Variants in ANGPT2 observed in about 807,000 individuals in gnomAD.
The protein encoded by ANGPT2 is angiopoietin 2.
In ANGPT2, 28 loss-of-function variants were observed where a neutral mutation model predicts 62.9. The observed-to-expected ratio is 0.44, with a 90% CI of 0.33 to 0.61. ANGPT2 has a LOEUF of 0.61. Ranked by LOEUF, ANGPT2 falls within the 20% of genes least tolerant of loss-of-function variation. ANGPT2 has a pLI of 0.03. For missense variants in ANGPT2, 727 were observed against 594.9 expected, an observed-to-expected ratio of 1.22 and a Z score of -2.31; for synonymous variants, 284 against 207.8, an observed-to-expected ratio of 1.37 and a Z score of -3.15.
intron 1 of ANGPT2, among the ~76,000 whole-genome samples, chr8:6,549,761 C>T (rs1194162136): frequency 1.3e-5 from 2 of 151,868 alleles, no homozygotes. Flanking sequence ...ACGTGCAGGG[C>T]AGCAAGTCCT....
At chr8:6,560,312 G>C (rs1291559994) in intron 1 of ANGPT2, among the ~76,000 whole-genome samples, 2 of 152,134 alleles carry the variant, frequency 1.3e-5, no homozygotes, top group Admixed American at 1.3e-4. Flanking sequence ...AAATCAGTGG[G>C]TGTTAGGTTG....
At chr8:6,558,952 T>G (rs1825081171) in intron 1 of ANGPT2, among the ~76,000 whole-genome samples, 1 of 152,118 alleles carries the variant, frequency 6.6e-6, no homozygotes, top group South Asian at 2.1e-4. Flanking sequence ...AAATTAAATA[T>G]GTTGCAGTTC....
chr8:6,534,011 A>C (rs1820030076), intron 1 of ANGPT2, among the ~76,000 whole-genome samples: 1 of 152,108 alleles, frequency 6.6e-6, no homozygotes, highest in South Asian at 2.1e-4. Flanking sequence ...CCCCCTCGCC[A>C]TCGACTCTGC....
rs373427487 is a variant in ANGPT2, at chr8:6,519,853, G to A, written c.927+11C>T. 2.2e-5 allele frequency: 36 copies of A among 1,613,116 alleles called. No individual in the cohort carries two copies. Among genetic ancestry groups the A allele is most frequent in the East Asian group, 6.7e-5 (3 of 44,860 alleles). On this transcript the variant is annotated intron_variant, in intron 5 of 8. Coordinates refer to ENST00000629816, the MANE Select transcript of ANGPT2 (RefSeq NM_001118887.2). ...AGCCAGGGAGTTAGTAAGGGGAGAC[G>A]AATACCTCACCTTGATCTCTTCTGT...
intron 3 of ANGPT2, among the ~76,000 whole-genome samples, chr8:6,521,670 T>C (rs906190352): frequency 6.6e-6 from 1 of 152,208 alleles, no homozygotes; most frequent in African/African-American, 2.4e-5. Context: ...GTACCCCATC[T>C]GGTCCAGGAT....
intron 3 of ANGPT2, among the ~76,000 whole-genome samples, chr8:6,521,866 T>C (rs950384325): frequency 5.9e-5 from 9 of 152,294 alleles, no homozygotes; most frequent in African/African-American, 1.9e-4. Context: ...CTAATGATAA[T>C]AATAGCACTT....
chr8:6,514,834 T>C (rs1049815878), intron 5 of ANGPT2, 56 bp from the exon 6 acceptor site: 12 of 1,443,928 alleles, frequency 8.3e-6, no homozygotes, highest in Non-Finnish European at 8.7e-6. Flanking sequence ...CCCCCTTACG[T>C]AGCAGAAGCA....
At chr8:6,556,378 T>C (rs1469828999) in intron 1 of ANGPT2, among the ~76,000 whole-genome samples, 1 of 152,190 alleles carries the variant, frequency 6.6e-6, no homozygotes, top group East Asian at 1.9e-4. Context: ...ATAGCAACCA[T>C]TGAGAAATAG....
chr8:6,508,360 A>G (rs1372835563), intron 8 of ANGPT2: 1 of 153,782 alleles, frequency 6.5e-6, no homozygotes, highest in Admixed American at 6.5e-5. Flanking sequence ...AGGCAGGAGA[A>G]TCGCTTGAGC....
At chr8:6,510,204 G>T (rs971372358) in intron 7 of ANGPT2, among the ~76,000 whole-genome samples, 3 of 149,582 alleles carry the variant, frequency 2.0e-5, no homozygotes, top group African/African-American at 2.5e-5. Flanking sequence ...AGTTTCTGCT[G>T]CAAAGAAGCT....
chr8:6,539,698 C>T (rs4263789), intron 1 of ANGPT2, among the ~76,000 whole-genome samples: 86,172 of 152,028 alleles, frequency 0.57, 26,131 homozygotes, highest in Non-Finnish European at 0.68. Flanking sequence ...ACGATTCTCC[C>T]GCCTCAGCTT....
At chr8:6,545,470 T>G (rs543605251) in intron 1 of ANGPT2, among the ~76,000 whole-genome samples, 1 of 152,376 alleles carries the variant, frequency 6.6e-6, no homozygotes, top group African/African-American at 2.4e-5. Flanking sequence ...AGTTTTCATC[T>G]AGGAGCACCT....
chr8:6,539,610 G>A (rs1821160022), intron 1 of ANGPT2, among the ~76,000 whole-genome samples: 1 of 151,770 alleles, frequency 6.6e-6, no homozygotes, highest in Non-Finnish European at 1.5e-5. Flanking sequence ...TTTTTGAGAT[G>A]GAGTCTCGCT....
chr8:6,513,009 C>G (rs1161640531), intron 7 of ANGPT2, among the ~76,000 whole-genome samples: 2 of 152,196 alleles, frequency 1.3e-5, no homozygotes, highest in African/African-American at 2.4e-5. Flanking sequence ...AATAAAACAG[C>G]ACAGTCACAA....
At chr8:6,509,083 A>G in intron 7 of ANGPT2, 21 bp from the exon 8 acceptor site, 1 of 1,610,808 alleles carries the variant, frequency 6.2e-7, no homozygotes, top group Non-Finnish European at 8.5e-7. Flanking sequence ...GCAAAGAAAA[A>G]AAACACATTG....
intron 8 of ANGPT2, 65 bp from the exon 9 acceptor site, chr8:6,503,326 C>T: frequency 6.4e-7 from 1 of 1,567,426 alleles, no homozygotes; most frequent in Admixed American, 1.7e-5. Context: ...ACGAAGACAG[C>T]AATACTCAGC....
rs187669618 is a variant in ANGPT2 at position 6,515,136 on chromosome 8, C to G, written c.928-358G>C. Among the ~76,000 whole-genome samples, 8 of 152,120 alleles carry G rather than the reference C, an allele frequency of 5.3e-5. No individual in the cohort carries two copies. The South Asian group carries it at 1.7e-3, about 32-fold the overall frequency. On this transcript the variant is annotated intron_variant, in intron 5 of 8. Coordinates refer to ENST00000629816, the MANE Select transcript of ANGPT2 (RefSeq NM_001118887.2). ...ATGGCACATTTTGGCAGATTGGCCCCGAACCCCACATCTCCATCCTGTAGA... is the reference window on the plus strand; with the variant it reads ...ATGGCACATTTTGGCAGATTGGCCCGGAACCCCACATCTCCATCCTGTAGA...
chr8:6,532,249 C>G, intron 2 of ANGPT2, 83 bp downstream of exon 2: 6 of 1,516,122 alleles, frequency 4.0e-6, no homozygotes, highest in Non-Finnish European at 4.5e-6. Context: ...GTTTCTCATG[C>G]CTTCATTGAG....
intron 7 of ANGPT2, among the ~76,000 whole-genome samples, chr8:6,512,226 A>C (rs769755579): frequency 5.9e-5 from 9 of 152,224 alleles, no homozygotes; most frequent in Non-Finnish European, 1.3e-4. Context: ...ACAGCAGGAC[A>C]TACTGGGCAT....
Sources: allele counts gnomAD v4.1 joint callset (sites outside exome capture counted in the v4.1 genomes callset), GRCh38; gene constraint gnomAD v4.1.1; transcripts MANE v1.5; gene names NCBI Gene and HGNC (gene_info 2026-07-23, HGNC 2026-07-21).